BCL2L13: variants seen among roughly 807,000 people sequenced by gnomAD.
BCL2L13 encodes BCL2 like 13, also known as bcl-2-like protein 13.
Under a neutral mutation model 25.8 loss-of-function variants are expected in BCL2L13, and 13 were observed. The ratio of observed to expected loss-of-function variants is 0.50; its 90% CI spans 0.33 to 0.80. BCL2L13 has a LOEUF of 0.80. Among genes scored for constraint, BCL2L13 ranks in the 30% least tolerant of loss-of-function variants. The pLI is 0.02. For missense variants in BCL2L13, 504 were observed against 574.9 expected (o/e 0.88, Z 1.26); for synonymous variants, 244 against 230.3 (o/e 1.06, Z -0.54).
chr22:17,689,016 C>G lies in BCL2L13; in HGVS notation c.260C>G (p.Thr87Ser), dbSNP rs756479565. 1 of 1,614,100 alleles carries G rather than the reference C, an allele frequency of 6.2e-7. No homozygotes were observed. The highest frequency in any genetic ancestry group is 1.3e-5 in the African/African-American group (1 of 75,036). Residue 87 changes from threonine (T) to serine (S), a missense_variant, in exon 4 of 7, where the codon ACT becomes AGT. Transcript: ENST00000317582. ...ACCAGCACAGGCTTTGACCGTCACACTTCTCCAGTGTTCAGCCCTGCCAAT... is the reference window on the plus strand; with the variant it reads ...ACCAGCACAGGCTTTGACCGTCACAGTTCTCCAGTGTTCAGCCCTGCCAAT... ...AFTSTGFDRH[T>S]SPVFSPANPE...
At chr22:17,702,660 T>C (rs1019284124) in intron 6 of BCL2L13, 2 of 251,894 alleles carry the variant, frequency 7.9e-6, no homozygotes, top group African/African-American at 2.2e-5. Context: ...TATTATTCAG[T>C]TGGTTCAGTT....
intron 1 of BCL2L13, among the ~76,000 whole-genome samples, chr22:17,649,360 G>C (rs1006451239): frequency 6.6e-6 from 1 of 152,124 alleles, no homozygotes; most frequent in Non-Finnish European, 1.5e-5. Flanking sequence ...GCCTCCCAAA[G>C]TGTTGGGATT....
chr22:17,709,159 C>G (rs1473257653), intron 6 of BCL2L13, among the ~76,000 whole-genome samples: 1 of 151,780 alleles, frequency 6.6e-6, no homozygotes, highest in African/African-American at 2.4e-5. Context: ...TGGCGTGAAC[C>G]CAGGAGGCAG....
intron 3 of BCL2L13, among the ~76,000 whole-genome samples, chr22:17,684,948 G>A (rs1044430081): frequency 2.6e-5 from 4 of 152,052 alleles, no homozygotes; most frequent in Non-Finnish European, 5.9e-5. Flanking sequence ...TAGCCAGGAT[G>A]GTCTCGTTGA....
chr22:17,663,911 C>T (rs1209224985), intron 2 of BCL2L13, among the ~76,000 whole-genome samples: 3 of 151,694 alleles, frequency 2.0e-5, no homozygotes, highest in East Asian at 1.9e-4. Context: ...TGCAGTGGCA[C>T]GATCTTGGCT....
Position 17,727,129 on chromosome 22 carries a change from C to A in BCL2L13, c.1053C>A (p.Ala351=), listed in dbSNP as rs369699924. The change falls in exon 7 of 7, where the codon GCC becomes GCA. Residue 351 remains alanine (A), a synonymous_variant. Coordinates refer to ENST00000317582, the MANE Select transcript of BCL2L13 (RefSeq NM_015367.4). ...CTCCCTTGCTTCCACATATCACTGCCACCTCCCTGCTGGGGACAAGGGAAC... is the reference window on the plus strand; with the variant it reads ...CTCCCTTGCTTCCACATATCACTGCAACCTCCCTGCTGGGGACAAGGGAAC... ...APAPLLPHIT[A]TSLLGTREPD... 6.0e-5 allele frequency: 97 copies of A among 1,614,110 alleles called. No individual in the cohort carries two copies. The highest frequency in any genetic ancestry group is 1.8e-5 in the Non-Finnish European group (21 of 1,180,060).
rs776446877 is a variant in BCL2L13 at position 17,726,934 on chromosome 22, G to A, written c.858G>A (p.Val286=). 7 of 1,614,082 alleles carry A rather than the reference G, an allele frequency of 4.3e-6. No individual in the cohort carries two copies. Among genetic ancestry groups the A allele is most frequent in the East Asian group, 2.2e-5 (1 of 44,890 alleles). The change falls in exon 7 of 7, where the codon GTG becomes GTA. Residue 286 remains valine (V), a synonymous_variant. Coordinates refer to ENST00000317582, the MANE Select transcript of BCL2L13 (RefSeq NM_015367.4). ...AGATTGCAATGGATCCTGAAGAAGT[G>A]AAAAGCTTAGACAGCAACGGAGCTG... The part of the protein sequence containing the change: ...WQQIAMDPEE[V]KSLDSNGAGE...
chr22:17,713,749 T>C (rs963241120), intron 6 of BCL2L13, among the ~76,000 whole-genome samples: 15 of 151,414 alleles, frequency 9.9e-5, no homozygotes, highest in South Asian at 4.2e-4. Flanking sequence ...CATGAGCCAC[T>C]GCGCCCAGCC....
intron 6 of BCL2L13, among the ~76,000 whole-genome samples, chr22:17,724,830 A>G (rs1427935952): frequency 6.6e-6 from 1 of 152,148 alleles, no homozygotes; most frequent in East Asian, 1.9e-4. Context: ...ATTCCATTCC[A>G]TTGGTTCTCT....
intron 1 of BCL2L13, among the ~76,000 whole-genome samples, chr22:17,640,134 G>A (rs965848710): frequency 2.0e-5 from 3 of 152,120 alleles, no homozygotes; most frequent in East Asian, 1.9e-4. Flanking sequence ...GATTACAGGC[G>A]TGAGCCACCG....
At chr22:17,639,356 T>C (rs1324381001) in intron 1 of BCL2L13, among the ~76,000 whole-genome samples, 7 of 152,260 alleles carry the variant, frequency 4.6e-5, no homozygotes, top group Non-Finnish European at 1.0e-4. Flanking sequence ...TCTTGTTTCT[T>C]AACCTTAATT....
At chr22:17,677,404 C>T (rs2059605226) in intron 2 of BCL2L13, among the ~76,000 whole-genome samples, 1 of 152,128 alleles carries the variant, frequency 6.6e-6, no homozygotes, top group African/African-American at 2.4e-5. Context: ...CAAAGCCCAT[C>T]TGAGAATTTG....
chr22:17,646,955 A>ATTTTTTTT lies in BCL2L13; in HGVS notation c.-51+8086_-51+8093dup, dbSNP rs149460093. ...TACATATATATATATATATATATAT[A>ATTTTTTTT]TTTTTTTTTTTTTTTTTTTTTTTTC... is the stretch of plus-strand genomic sequence containing the variant. On this transcript the variant is annotated intron_variant, in intron 1 of 6. Transcript: ENST00000317582. Among the ~76,000 whole-genome samples the ATTTTTTTT allele has an allele frequency of 1.8e-3, 41 of 22,186 alleles. 2 individuals are homozygous for ATTTTTTTT. Among genetic ancestry groups the ATTTTTTTT allele is most frequent in the Admixed American group, 2.7e-3 (2 of 750 alleles). 14.6% of individuals were successfully genotyped at this position (22,186 alleles called of 152,430 possible). A position where few individuals can be genotyped will look rare whatever the true frequency, so the allele number is the denominator to read the frequency against.
At position 17,725,278 on chromosome 22, in the gene BCL2L13, G is replaced by A. The variant is rs116049934; in HGVS notation, c.601-1399G>A. Reference sequence around the variant, plus strand: ...TCCATATTTCTTAGCTGTCATTCAGGTTCCTCCATGGTCCTGTCCTCACTG... The same window carrying A: ...TCCATATTTCTTAGCTGTCATTCAGATTCCTCCATGGTCCTGTCCTCACTG... On this transcript the variant is annotated intron_variant, in intron 6 of 6. Coordinates refer to ENST00000317582, the MANE Select transcript of BCL2L13 (RefSeq NM_015367.4). 2.9e-3 allele frequency among the ~76,000 whole-genome samples: 442 copies of A among 152,268 alleles called. 5 individuals are homozygous for A. The highest frequency in any genetic ancestry group is 0.01 in the African/African-American group (423 of 41,552).
intron 1 of BCL2L13, among the ~76,000 whole-genome samples, chr22:17,649,866 C>CTT (rs2058619412): frequency 8.6e-6 from 1 of 115,700 alleles, no homozygotes; most frequent in Non-Finnish European, 1.7e-5. Context: ...TCTTTTTTTT[C>CTT]TTTTCTTTTT....
At position 17,638,839 on chromosome 22, in the gene BCL2L13, T is replaced by TGCC. The variant is rs2058161321; in HGVS notation, c.-88_-86dup. On this transcript the variant is annotated 5_prime_UTR_variant, in exon 1 of 7. Coordinates refer to ENST00000317582, the MANE Select transcript of BCL2L13 (RefSeq NM_015367.4). ...GCTGGGGGACCCTGTCGGAAGCAAC[T>TGCC]GCCGCCGCCGCCTCTTTCATCTCTT... is the stretch of plus-strand genomic sequence containing the variant. The TGCC allele has an allele frequency of 5.7e-6, 7 of 1,232,114 alleles. No homozygotes were observed. Among genetic ancestry groups the TGCC allele is most frequent in the Non-Finnish European group, 5.1e-6 (5 of 988,336 alleles). 76.3% of individuals were successfully genotyped at this position (1,232,114 alleles called of 1,614,324 possible).
intron 5 of BCL2L13, among the ~76,000 whole-genome samples, chr22:17,697,043 GT>G (rs944018405): frequency 2.1e-4 from 32 of 151,712 alleles, no homozygotes; most frequent in African/African-American, 7.3e-4. Context: ...GTGACCTTAT[GT>G]ACCTAATTGA....
chr22:17,686,916 A>G (rs1892439779), intron 3 of BCL2L13, among the ~76,000 whole-genome samples: 1 of 152,358 alleles, frequency 6.6e-6, no homozygotes, highest in South Asian at 2.1e-4. Flanking sequence ...GGTAGAAAGA[A>G]GAAGAGAGTA....
chr22:17,655,300 CTTT>C (rs71201856), intron 1 of BCL2L13, among the ~76,000 whole-genome samples: 2 of 138,836 alleles, frequency 1.4e-5, no homozygotes, highest in Admixed American at 7.4e-5. Flanking sequence ...TTACAGTTCA[CTTT>C]TTTTTTTTTT....
Sources: gnomAD v4.1 joint callset for allele counts (sites outside exome capture counted in the v4.1 genomes callset) on GRCh38, gnomAD v4.1.1 for gene constraint, MANE v1.5 for transcripts, NCBI Gene and HGNC (gene_info 2026-07-23, HGNC 2026-07-21) for gene names.